DMD: variants seen among roughly 807,000 people sequenced by gnomAD.
The protein encoded by DMD is dystrophin.
DMD carries 63 observed loss-of-function variants against 330.1 expected under a neutral mutation model. The ratio of observed to expected loss-of-function variants is 0.19; its 90% CI spans 0.16 to 0.24. DMD has a LOEUF of 0.24. Among genes scored for constraint, DMD ranks in the 10% least tolerant of loss-of-function variants. The pLI is 1.00. For synonymous variants in DMD, 1,223 were observed against 959.8 expected (o/e 1.27, Z -5.07); for missense variants, 3,344 against 2,684.1 (o/e 1.25, Z -5.43).
chrX:31,325,157 T>C (rs182908288), intron 61 of DMD, among the ~76,000 whole-genome samples: 1 of 111,811 alleles, frequency 8.9e-6, no homozygotes, highest in East Asian at 2.8e-4. Flanking sequence ...TCTATTCCTT[T>C]CTTTTCCCTT....
At chrX:32,236,391 G>A (rs983298999) in intron 43 of DMD, among the ~76,000 whole-genome samples, 1 of 112,173 alleles carries the variant, frequency 8.9e-6, no homozygotes, top group African/African-American at 3.2e-5. Context: ...ATGAGAGTTT[G>A]TGACCTTTCA....
intron 7 of DMD, among the ~76,000 whole-genome samples, chrX:32,726,492 A>C (rs890074177): frequency 5.4e-5 from 6 of 111,070 alleles, no homozygotes; most frequent in African/African-American, 2.0e-4. Flanking sequence ...AGGCATAAAA[A>C]TACAGCTATT....
At chrX:32,186,111 C>A (rs1050351704) in intron 44 of DMD, among the ~76,000 whole-genome samples, 1 of 110,775 alleles carries the variant, frequency 9.0e-6, no homozygotes, top group Non-Finnish European at 1.9e-5. Context: ...AAAGAAAATT[C>A]CCCTCTGAAG....
intron 24 of DMD, 114 bp from the exon 25 acceptor site, chrX:32,463,708 G>T: frequency 2.9e-6 from 2 of 696,764 alleles, no homozygotes; most frequent in Non-Finnish European, 4.0e-6. Flanking sequence ...ATGGATTTTT[G>T]TCTTTTAAAA....
chrX:31,213,517 T>C (rs1195565691), intron 64 of DMD, among the ~76,000 whole-genome samples: 1 of 112,075 alleles, frequency 8.9e-6, no homozygotes, highest in African/African-American at 3.2e-5. Context: ...CAGTAGCTCT[T>C]GTTCCAAGAG....
chrX:33,122,080 G>C (rs1308881234), intron 1 of DMD, among the ~76,000 whole-genome samples: 4 of 111,298 alleles, frequency 3.6e-5, no homozygotes, highest in African/African-American at 9.8e-5. Context: ...ATAAAAATTA[G>C]TCAGGCACGG....
intron 7 of DMD, among the ~76,000 whole-genome samples, chrX:32,747,388 T>G (rs1776781695): frequency 8.9e-6 from 1 of 112,130 alleles, no homozygotes; most frequent in Non-Finnish European, 1.9e-5. Flanking sequence ...GGGAGACAGT[T>G]GTGGCTGCAG....
chrX:32,977,987 G>A (rs1404739342), intron 2 of DMD, among the ~76,000 whole-genome samples: 2 of 111,581 alleles, frequency 1.8e-5, no homozygotes, highest in Non-Finnish European at 3.8e-5. Context: ...AGGAAATACC[G>A]AGCAAATAAG....
chrX:32,004,250 C>T (rs1225363806), intron 44 of DMD, among the ~76,000 whole-genome samples: 1 of 111,154 alleles, frequency 9.0e-6, no homozygotes, highest in Non-Finnish European at 1.9e-5. Context: ...CCTAGAAATG[C>T]GTAAGATAAA....
chrX:33,262,460 T>C (rs1407517828), intron 1 of DMD, among the ~76,000 whole-genome samples: 1 of 111,297 alleles, frequency 9.0e-6, no homozygotes, highest in Non-Finnish European at 1.9e-5. Context: ...GCAAGGTTTA[T>C]CTAAGAAAGT....
At chrX:32,327,117 T>A (rs1424413204) in intron 41 of DMD, among the ~76,000 whole-genome samples, 1 of 108,116 alleles carries the variant, frequency 9.2e-6, no homozygotes, top group Non-Finnish European at 1.9e-5. Flanking sequence ...TTCACCTTAC[T>A]CGAGGCTGCA....
chrX:32,433,006 G>C (rs114279023), intron 29 of DMD, among the ~76,000 whole-genome samples: 220 of 112,111 alleles, frequency 2.0e-3, no homozygotes, highest in African/African-American at 6.8e-3. Flanking sequence ...CTTTGAAAGG[G>C]ACTGAAATAC....
intron 59 of DMD, among the ~76,000 whole-genome samples, chrX:31,457,003 G>A (rs1218686857): frequency 2.8e-5 from 3 of 108,996 alleles, no homozygotes; most frequent in Non-Finnish European, 3.8e-5. Context: ...ATTATGAGAA[G>A]TTGAGTCATA....
chrX:31,912,053 C>T (rs764441470), intron 47 of DMD, among the ~76,000 whole-genome samples: 1 of 111,334 alleles, frequency 9.0e-6, no homozygotes, highest in Non-Finnish European at 1.9e-5. Context: ...CGACAACTGG[C>T]GATGCCCAGT....
chrX:32,406,838 G>A (rs1306369770), intron 30 of DMD, among the ~76,000 whole-genome samples: 1 of 111,286 alleles, frequency 9.0e-6, no homozygotes, highest in Non-Finnish European at 1.9e-5. Context: ...ACAACTATCT[G>A]ATCTTTGACA....
chrX:33,136,917 G>T (rs966473388), intron 1 of DMD, among the ~76,000 whole-genome samples: 1 of 110,490 alleles, frequency 9.1e-6, no homozygotes, highest in African/African-American at 3.3e-5. Flanking sequence ...TTATAGAAAA[G>T]ATATTTCTAC....
At chrX:31,529,862 G>T (rs1156609587) in intron 55 of DMD, among the ~76,000 whole-genome samples, 1 of 105,328 alleles carries the variant, frequency 9.5e-6, no homozygotes, top group East Asian at 3.0e-4. Flanking sequence ...TCATGAGAAA[G>T]ATCCTAGAAT....
intron 52 of DMD, among the ~76,000 whole-genome samples, chrX:31,728,703 G>C (rs1290458455): frequency 2.7e-5 from 3 of 110,839 alleles, no homozygotes; most frequent in Non-Finnish European, 3.8e-5. Flanking sequence ...AAAGACAAAA[G>C]ATTTCAAAGA....
intron 2 of DMD, among the ~76,000 whole-genome samples, chrX:32,998,817 G>T (rs1250435566): frequency 9.0e-6 from 1 of 111,664 alleles, no homozygotes; most frequent in Non-Finnish European, 1.9e-5. Flanking sequence ...ACAATGTAAA[G>T]AATTTCTTAT....
Sources: allele counts gnomAD v4.1 joint callset (sites outside exome capture counted in the v4.1 genomes callset), GRCh38; gene constraint gnomAD v4.1.1; transcripts MANE v1.5; gene names NCBI Gene and HGNC (gene_info 2026-07-23, HGNC 2026-07-21).